GAS7: variants seen among roughly 807,000 people sequenced by gnomAD.
GAS7 encodes growth arrest specific 7, also known as growth arrest-specific protein 7.
GAS7 carries 28 observed loss-of-function variants against 71.1 expected under a neutral mutation model. The ratio of observed to expected loss-of-function variants is 0.39; its 90% CI spans 0.29 to 0.54. The LOEUF is 0.54. Ranked by LOEUF, GAS7 falls within the 20% of genes least tolerant of loss-of-function variation. GAS7 has a pLI of 0.62. For synonymous variants in GAS7, 258 were observed against 245.8 expected, an observed-to-expected ratio of 1.05 and a Z score of -0.46; for missense variants, 436 against 627.8, an observed-to-expected ratio of 0.69 and a Z score of 3.27.
chr17:10,000,202 C>T (rs1181679191), intron 2 of GAS7, among the ~76,000 whole-genome samples: 4 of 152,158 alleles, frequency 2.6e-5, no homozygotes, highest in African/African-American at 9.7e-5. Flanking sequence ...CTGGGTCTCA[C>T]CCCTAGAGTT....
intron 2 of GAS7, among the ~76,000 whole-genome samples, chr17:10,008,095 T>C (rs148679036): frequency 6.2e-4 from 95 of 152,360 alleles, no homozygotes; most frequent in African/African-American, 2.0e-3. Flanking sequence ...TAATATACCA[T>C]TGTATGGCTA....
chr17:9,973,537 A>G (rs1299723112), intron 3 of GAS7, among the ~76,000 whole-genome samples: 1 of 152,254 alleles, frequency 6.6e-6, no homozygotes, highest in Non-Finnish European at 1.5e-5. Context: ...TACCGGCATG[A>G]GCCACCGTGC....
At chr17:9,975,537 C>CCG (rs1054084578) in intron 3 of GAS7, among the ~76,000 whole-genome samples, 5 of 151,466 alleles carry the variant, frequency 3.3e-5, no homozygotes, top group African/African-American at 9.7e-5. Flanking sequence ...TCTCACCCCC[C>CCG]CCTTTTTCCT....
At chr17:10,004,216 C>T (rs964076672) in intron 2 of GAS7, among the ~76,000 whole-genome samples, 3 of 152,192 alleles carry the variant, frequency 2.0e-5, no homozygotes, top group Non-Finnish European at 4.4e-5. Flanking sequence ...GCATTGTGTT[C>T]GCCCACACCA....
At chr17:10,052,089 A>G (rs2073069782) in intron 1 of GAS7, among the ~76,000 whole-genome samples, 1 of 152,124 alleles carries the variant, frequency 6.6e-6, no homozygotes, top group African/African-American at 2.4e-5. Context: ...TGCTAGTTCC[A>G]TCTCACCCCA....
At chr17:9,942,771 C>A (rs965380596) in intron 7 of GAS7, among the ~76,000 whole-genome samples, 1 of 152,162 alleles carries the variant, frequency 6.6e-6, no homozygotes, top group Non-Finnish European at 1.5e-5. Flanking sequence ...ACACACACCC[C>A]CTCTACAAGA....
At chr17:9,934,533 C>T (rs889149709) in intron 8 of GAS7, among the ~76,000 whole-genome samples, 5 of 151,988 alleles carry the variant, frequency 3.3e-5, no homozygotes, top group Admixed American at 1.3e-4. Context: ...TCCAGAGGCT[C>T]GAAAGGACCC....
chr17:9,955,920 T>C (rs1047111833), intron 5 of GAS7, among the ~76,000 whole-genome samples: 3 of 152,180 alleles, frequency 2.0e-5, no homozygotes, highest in African/African-American at 7.2e-5. Context: ...TGGGGTCCAC[T>C]GTGCAGCTGG....
intron 1 of GAS7, among the ~76,000 whole-genome samples, chr17:10,075,711 C>G (rs2073382752): frequency 6.6e-6 from 1 of 151,472 alleles, no homozygotes; most frequent in East Asian, 1.9e-4. Context: ...AGGAGGATCA[C>G]TTGGGACCAG....
chr17:9,983,129 G>A (rs2070499387), intron 2 of GAS7, among the ~76,000 whole-genome samples: 1 of 95,308 alleles, frequency 1.0e-5, no homozygotes. Flanking sequence ...CTAAGCATAT[G>A]TTTCTCTTTA....
intron 2 of GAS7, among the ~76,000 whole-genome samples, chr17:9,993,876 T>C (rs1207223488): frequency 6.6e-6 from 1 of 152,108 alleles, no homozygotes; most frequent in Non-Finnish European, 1.5e-5. Flanking sequence ...AGCATTCTTA[T>C]ACACCAATAA....
intron 6 of GAS7, 65 bp from the exon 7 acceptor site, chr17:9,943,301 G>T (rs182720194): frequency 2.1e-6 from 2 of 939,702 alleles, no homozygotes; most frequent in Non-Finnish European, 3.5e-6. Context: ...GGAGAATGGC[G>T]TAGAGGGAGG....
chr17:9,916,203 G>A lies in GAS7; in HGVS notation c.*1025C>T, dbSNP rs534459034. ...ACAGAGCCATCTGGGGGATGGCAAAGACTTGCCCTAACCCATCTCACATGT... is the reference window on the plus strand; with the variant it reads ...ACAGAGCCATCTGGGGGATGGCAAAAACTTGCCCTAACCCATCTCACATGT... On this transcript the variant is annotated 3_prime_UTR_variant, in exon 14 of 14. Coordinates refer to ENST00000432992, the MANE Select transcript of GAS7 (RefSeq NM_201433.2). The A allele has an allele frequency of 4.3e-6, 1 of 233,094 alleles. No individual in the cohort carries two copies. The highest frequency in any genetic ancestry group is 2.2e-5 in the African/African-American group (1 of 45,454). 14.4% of individuals were successfully genotyped at this position (233,094 alleles called of 1,614,324 possible). A position where few individuals can be genotyped will look rare whatever the true frequency, so the allele number is the denominator to read the frequency against.
chr17:10,099,839 C>A (rs979809124), intron 1 of GAS7, among the ~76,000 whole-genome samples: 1 of 152,300 alleles, frequency 6.6e-6, no homozygotes, highest in East Asian at 1.9e-4. Flanking sequence ...GAGTGTAATT[C>A]GTTACCTTTC....
At position 10,034,681 on chromosome 17, in the gene GAS7, C is replaced by T. The variant is rs2072704911; in HGVS notation, c.184-14784G>A. 6.6e-6 allele frequency among the ~76,000 whole-genome samples: 1 copy of T among 152,208 alleles called. No homozygotes were observed. Among genetic ancestry groups the T allele is most frequent in the South Asian group, 2.1e-4 (1 of 4,836 alleles). ...CATTTTAATAGGAGAAAAAAAGTCACATTCAAGTGTAGACATGGGCATCAT... is the reference window on the plus strand; with the variant it reads ...CATTTTAATAGGAGAAAAAAAGTCATATTCAAGTGTAGACATGGGCATCAT... On this transcript the variant is annotated intron_variant, in intron 1 of 13. Transcript: ENST00000432992. The surrounding 1 kb of genome is among the most constrained non-coding windows in gnomAD (Gnocchi z 4.4).
In GAS7 at chr17:9,924,997, C is replaced by T. The variant is rs565870701; in HGVS notation, c.1138+479G>A. ...TTATTTCTTTAAACAAAGTGTCAGCCTCTGTTCCCAGGGCAGGAGCCCATC... is the reference window on the plus strand; with the variant it reads ...TTATTTCTTTAAACAAAGTGTCAGCTTCTGTTCCCAGGGCAGGAGCCCATC... On this transcript the variant is annotated intron_variant, in intron 11 of 13. Coordinates refer to ENST00000432992, the MANE Select transcript of GAS7 (RefSeq NM_201433.2). Among the ~76,000 whole-genome samples the T allele has an allele frequency of 1.6e-4, 24 of 152,318 alleles. No homozygotes were observed. The East Asian group carries it at 4.2e-3, about 27-fold the overall frequency.
At chr17:10,191,175 CA>C (rs57171049) in intron 1 of GAS7, among the ~76,000 whole-genome samples, 160 of 126,982 alleles carry the variant, frequency 1.3e-3, no homozygotes, top group Non-Finnish European at 1.2e-3. Context: ...AACTCCGTCT[CA>C]AAAAAAAAAA....
chr17:9,942,118 G>C (rs547802639), intron 7 of GAS7, among the ~76,000 whole-genome samples: 9 of 152,202 alleles, frequency 5.9e-5, no homozygotes, highest in Admixed American at 6.5e-5. Flanking sequence ...GCTGGGCGTG[G>C]TGGTACATGC....
At chr17:10,001,012 AAAAC>A (rs60639057) in intron 2 of GAS7, among the ~76,000 whole-genome samples, 2 of 151,622 alleles carry the variant, frequency 1.3e-5, no homozygotes, top group African/African-American at 4.9e-5. Flanking sequence ...GTATCATATA[AAAAC>A]AAACAAACAA....
Sources: allele counts gnomAD v4.1 joint callset (sites outside exome capture counted in the v4.1 genomes callset), GRCh38; gene constraint gnomAD v4.1.1; non-coding constraint Gnocchi (gnomAD v3.1); transcripts MANE v1.5; gene names NCBI Gene and HGNC (gene_info 2026-07-23, HGNC 2026-07-21).